Variants in NUP43 observed in about 807,000 individuals in gnomAD.
NUP43 encodes nucleoporin Nup43.
In NUP43, 32 loss-of-function variants were observed where a neutral mutation model predicts 47.3. That is an observed-to-expected ratio of 0.68 (90% CI 0.51 to 0.91). The LOEUF (loss-of-function observed/expected upper bound fraction) is 0.91, where lower values mean the gene tolerates loss of function less well. Ranked by LOEUF, NUP43 falls within the 40% of genes least tolerant of loss-of-function variation. NUP43 has a pLI of 0.00. For synonymous variants in NUP43, 147 were observed against 158.4 expected, an observed-to-expected ratio of 0.93 and a Z score of 0.54; for missense variants, 444 against 453.9, an observed-to-expected ratio of 0.98 and a Z score of 0.20.
chr6:149,732,826 A>C (rs571254521), intron 6 of NUP43, among the ~76,000 whole-genome samples: 69 of 151,914 alleles, frequency 4.5e-4, no homozygotes, highest in Middle Eastern at 3.4e-3. Context: ...GCCTGGGCAA[A>C]AAGAGCAAAA....
At chr6:149,729,631 C>T (rs541828855) in intron 7 of NUP43, 1 of 597,710 alleles carries the variant, frequency 1.7e-6, no homozygotes, top group African/African-American at 2.0e-5. Flanking sequence ...AGCACCCCTC[C>T]TATTACCTTT....
Position 149,724,448 on chromosome 6 carries a change from T to C in NUP43, c.*2521A>G, listed in dbSNP as rs1784720446. 7.1e-6 allele frequency: 1 copy of C among 140,206 alleles called. No individual in the cohort carries two copies. Among genetic ancestry groups the C allele is most frequent in the Non-Finnish European group, 1.6e-5 (1 of 64,252 alleles). The allele number at this position is 140,206 out of a possible 1,614,324, so 8.7% of individuals were successfully genotyped here. A position where few individuals can be genotyped will look rare whatever the true frequency, so the allele number is the denominator to read the frequency against. ...GGCTCACATCATCAGTGTGTTAACA[T>C]ACAATAGGACTGTACCCTTTTACAG... On this transcript the variant is annotated 3_prime_UTR_variant, in exon 8 of 8. Coordinates refer to ENST00000340413, the MANE Select transcript of NUP43 (RefSeq NM_198887.3).
rs1562386429 is a variant in NUP43 at position 149,745,956 on chromosome 6, T to C, written c.227A>G (p.Asp76Gly). Residue 76 changes from aspartate (D) to glycine (G), a missense_variant, in exon 2 of 8, where the codon GAT becomes GGT. By Grantham distance (94) the Asp-to-Gly change is moderately conservative (BLOSUM62 -1). Coordinates refer to ENST00000340413, the MANE Select transcript of NUP43 (RefSeq NM_198887.3). ...QLLCDIRHHGDVMDLQFFDQE... is the reference protein window; with the variant it reads ...QLLCDIRHHGGVMDLQFFDQE... ...CAGATTTACCTGTAAATCCATTACA[T>C]CACCATGGTGTCTGATATCACACAA... 6.2e-7 allele frequency: 1 copy of C among 1,612,114 alleles called. No individual in the cohort carries two copies. The highest frequency in any genetic ancestry group is 1.3e-5 in the African/African-American group (1 of 74,846).
chr6:149,733,470 G>T (rs902225445), intron 6 of NUP43, among the ~76,000 whole-genome samples: 2 of 152,194 alleles, frequency 1.3e-5, no homozygotes, highest in South Asian at 2.1e-4. Context: ...TTGAAACAGG[G>T]TCTTGCTCTG....
upstream of NUP43, chr6:149,746,780 G>A (rs955209192): frequency 1.1e-5 from 13 of 1,139,484 alleles, no homozygotes; most frequent in Middle Eastern, 6.1e-4. Context: ...TTCAATAATT[G>A]TGCAGTGTAA....
At chr6:149,728,129 T>G (rs1784873706) in intron 7 of NUP43, 3 of 985,376 alleles carry the variant, frequency 3.0e-6, no homozygotes, top group Non-Finnish European at 3.6e-6. Context: ...GTACCATTAA[T>G]TTACTACTTT....
At chr6:149,736,734 G>C (rs112026115) in intron 5 of NUP43, 112 bp from the exon 6 acceptor site, 1 of 890,122 alleles carries the variant, frequency 1.1e-6, no homozygotes, top group Non-Finnish European at 1.7e-6. Context: ...ACTTACCCAG[G>C]CTGGAATGCA....
chr6:149,731,587 T>C lies in NUP43; in HGVS notation c.913+26A>G, dbSNP rs199516589. On this transcript the variant is annotated intron_variant, in intron 7 of 7. Coordinates refer to ENST00000340413, the MANE Select transcript of NUP43 (RefSeq NM_198887.3). The stretch of plus-strand genomic sequence containing the variant: ...TAAAAAAAAAAAAAAAAAGTACACA[T>C]AACAGTATTCATTAAAAAGTTTTAC... 43 of 1,517,176 alleles carry C rather than the reference T, an allele frequency of 2.8e-5. No homozygotes were observed. The East Asian group carries it at 8.5e-4, about 30-fold the overall frequency. The allele number at this position is 1,517,176 out of a possible 1,614,324, so 94.0% of individuals were successfully genotyped here.
chr6:149,744,901 A>G (rs1403029830), intron 2 of NUP43, among the ~76,000 whole-genome samples: 3 of 149,620 alleles, frequency 2.0e-5, no homozygotes, highest in East Asian at 3.9e-4. Flanking sequence ...TTATTTATTT[A>G]TTTATTTATT....
At chr6:149,740,825 C>T (rs1400368326) in intron 4 of NUP43, among the ~76,000 whole-genome samples, 1 of 152,168 alleles carries the variant, frequency 6.6e-6, no homozygotes, top group Middle Eastern at 3.2e-3. Context: ...ATTACAGACT[C>T]TTTGCAATCT....
At position 149,728,488 on chromosome 6, in the gene NUP43, T is replaced by C. The variant is rs559258479; in HGVS notation, c.914-1290A>G. The C allele has an allele frequency of 1.2e-4, 120 of 980,396 alleles. No individual in the cohort carries two copies. The African/African-American group carries it at 1.8e-3, about 15-fold the overall frequency. 60.7% of individuals were successfully genotyped at this position (980,396 alleles called of 1,614,324 possible). ...CCGCTCCAGAATTTTTCTGAAGAAG[T>C]TTTAGAATTTTTTTCCCCTTAGTTT... On this transcript the variant is annotated intron_variant, in intron 7 of 7. Transcript: ENST00000340413.
intron 2 of NUP43, among the ~76,000 whole-genome samples, chr6:149,743,980 AATATT>A (rs1234436087): frequency 1.3e-5 from 2 of 152,200 alleles, no homozygotes; most frequent in Admixed American, 1.3e-4. Flanking sequence ...ACCTTAGGAA[AATATT>A]ATTCCTGGCT....
chr6:149,730,992 C>T (rs1582960662), intron 7 of NUP43, among the ~76,000 whole-genome samples: 1 of 152,016 alleles, frequency 6.6e-6, no homozygotes, highest in Middle Eastern at 3.4e-3. Flanking sequence ...ACAGGCTGGG[C>T]ACAGTGGCTC....
intron 6 of NUP43, among the ~76,000 whole-genome samples, chr6:149,735,904 T>G (rs980544536): frequency 6.1e-5 from 9 of 147,086 alleles, no homozygotes; most frequent in Non-Finnish European, 1.0e-4. Context: ...GCCCTGGAAG[T>G]CAAGGCTGTA....
chr6:149,729,463 T>C (rs1166530134), intron 7 of NUP43: 2 of 934,484 alleles, frequency 2.1e-6, no homozygotes, highest in Non-Finnish European at 2.6e-6. Context: ...CTGCTCCAGG[T>C]TTCTGGCAAC....
intron 2 of NUP43, among the ~76,000 whole-genome samples, chr6:149,744,577 C>T (rs909328777): frequency 2.0e-5 from 3 of 151,330 alleles, no homozygotes; most frequent in Admixed American, 6.6e-5. Context: ...GTGGCTCACA[C>T]CTGTAATCCC....
intron 7 of NUP43, among the ~76,000 whole-genome samples, chr6:149,730,990 GGC>G (rs1785009085): frequency 6.6e-6 from 1 of 152,232 alleles, no homozygotes; most frequent in South Asian, 2.1e-4. Flanking sequence ...TAACAGGCTG[GGC>G]ACAGTGGCTC....
intron 4 of NUP43, among the ~76,000 whole-genome samples, chr6:149,741,266 C>A (rs1014502548): frequency 6.6e-6 from 1 of 152,094 alleles, no homozygotes; most frequent in Non-Finnish European, 1.5e-5. Flanking sequence ...CTCAGTCTCT[C>A]AGGTTCAAGC....
At chr6:149,727,295 A>G (rs1450336173) in intron 7 of NUP43, 97 bp from the exon 8 acceptor site, 16 of 1,467,028 alleles carry the variant, frequency 1.1e-5, no homozygotes, top group Non-Finnish European at 1.4e-5. Context: ...TGATGATATC[A>G]ATGTGTTTAA....
Sources: allele counts gnomAD v4.1 joint callset (sites outside exome capture counted in the v4.1 genomes callset), GRCh38; gene constraint gnomAD v4.1.1; transcripts MANE v1.5; gene names NCBI Gene and HGNC (gene_info 2026-07-23, HGNC 2026-07-21).